The following LOXHD1 variants were observed in gnomAD, a reference collection of about 807,000 sequenced individuals.
LOXHD1 encodes the protein lipoxygenase homology domain-containing protein 1.
A neutral mutation model predicts 248.2 loss-of-function variants in LOXHD1; 205 were observed. That is an observed-to-expected ratio of 0.83 (90% CI 0.74 to 0.93). The LOEUF (loss-of-function observed/expected upper bound fraction) is 0.93, where lower values mean the gene tolerates loss of function less well. Ranked by LOEUF, LOXHD1 falls within the 40% of genes least tolerant of loss-of-function variation. The probability of loss-of-function intolerance (pLI) is 0.00; values close to 1 mark genes in which losing one functional copy is unlikely to be tolerated. For synonymous variants in LOXHD1, 1,113 were observed against 1,162.8 expected, an observed-to-expected ratio of 0.96 and a Z score of 0.87; for missense variants, 2,930 against 2,971.6, an observed-to-expected ratio of 0.99 and a Z score of 0.33.
intron 31 of LOXHD1, 36 bp from the exon 32 acceptor site, chr18:46,522,345 C>G: frequency 6.6e-7 from 1 of 1,519,100 alleles, no homozygotes; most frequent in East Asian, 2.5e-5. Flanking sequence ...TCATAACAGA[C>G]CAGATAGACA....
chr18:46,520,278 T>A (rs2035508611), intron 33 of LOXHD1: 1 of 470,972 alleles, frequency 2.1e-6, no homozygotes. Context: ...CACACTCAGG[T>A]CCAGGTGATT....
At chr18:46,494,808 T>G (rs2033721977) in intron 37 of LOXHD1, among the ~76,000 whole-genome samples, 1 of 151,892 alleles carries the variant, frequency 6.6e-6, no homozygotes, top group Admixed American at 6.6e-5. Context: ...CAACCTAATA[T>G]TTCTATGATT....
At chr18:46,509,048 C>T (rs1398394664) in intron 35 of LOXHD1, among the ~76,000 whole-genome samples, 1 of 152,110 alleles carries the variant, frequency 6.6e-6, no homozygotes, top group Non-Finnish European at 1.5e-5. Context: ...GAGTCTGTGG[C>T]CATGTGCATG....
intron 1 of LOXHD1, among the ~76,000 whole-genome samples, chr18:46,651,898 G>C (rs985431383): frequency 6.6e-6 from 1 of 152,174 alleles, no homozygotes; most frequent in Non-Finnish European, 1.5e-5. Flanking sequence ...CTTTACCCAA[G>C]AGAAATGAAA....
At chr18:46,510,344 G>GA (rs2034882590) in intron 34 of LOXHD1, among the ~76,000 whole-genome samples, 1 of 152,212 alleles carries the variant, frequency 6.6e-6, no homozygotes, top group Non-Finnish European at 1.5e-5. Context: ...CTGCAAAACT[G>GA]AACACAGTGC....
At chr18:46,596,477 A>G (rs1465649706) in intron 8 of LOXHD1, among the ~76,000 whole-genome samples, 1 of 152,230 alleles carries the variant, frequency 6.6e-6, no homozygotes, top group Non-Finnish European at 1.5e-5. Context: ...TTGAGGATGC[A>G]GGAAACTAGG....
chr18:46,482,434 CAGAA>C (rs1259906167), intron 40 of LOXHD1, among the ~76,000 whole-genome samples: 1 of 152,210 alleles, frequency 6.6e-6, no homozygotes, highest in Non-Finnish European at 1.5e-5. Flanking sequence ...ATGTGCAGGA[CAGAA>C]AGAGAGTGCT....
chr18:46,654,129 A>G (rs1157235764), intron 1 of LOXHD1, among the ~76,000 whole-genome samples: 1 of 152,192 alleles, frequency 6.6e-6, no homozygotes, highest in Non-Finnish European at 1.5e-5. Context: ...CCTTCTGCCT[A>G]TTGCCATGTG....
intron 40 of LOXHD1, among the ~76,000 whole-genome samples, chr18:46,479,866 G>A (rs2032414944): frequency 6.6e-6 from 1 of 151,794 alleles, no homozygotes; most frequent in Non-Finnish European, 1.5e-5. Context: ...CAACAACCCT[G>A]GGCATCATCC....
rs982993829 is a variant in LOXHD1 at position 46,569,386 on chromosome 18, A to C, written c.2244+56T>G. ...CATATGTGTGTGTGGACACGTGTGA[A>C]TGTGTGTTCGGAAATGGGTGGGATG... On this transcript the variant is annotated intron_variant, in intron 16 of 40. Coordinates refer to ENST00000642948, the MANE Select transcript of LOXHD1 (RefSeq NM_001384474.1). The C allele has an allele frequency of 1.3e-5, 19 of 1,427,154 alleles. No individual in the cohort carries two copies. In the African/African-American group the frequency reaches 2.4e-4, roughly 18 times the overall value. The allele number at this position is 1,427,154 out of a possible 1,614,324, so 88.4% of individuals were successfully genotyped here. A position where few individuals can be genotyped will look rare whatever the true frequency, so the allele number is the denominator to read the frequency against.
chr18:46,480,412 T>C (rs1427596270), intron 40 of LOXHD1, among the ~76,000 whole-genome samples: 1 of 152,184 alleles, frequency 6.6e-6, no homozygotes, highest in Non-Finnish European at 1.5e-5. Context: ...ATAAGACATG[T>C]TTTCCTGTGT....
At chr18:46,580,999 T>C (rs2037951493) in intron 12 of LOXHD1, among the ~76,000 whole-genome samples, 1 of 152,184 alleles carries the variant, frequency 6.6e-6, no homozygotes. Context: ...GTAAGAAGTG[T>C]GGCTTCCTTT....
intron 23 of LOXHD1, 136 bp downstream of exon 23, chr18:46,545,181 C>A: frequency 1.5e-6 from 1 of 657,302 alleles, no homozygotes; most frequent in Non-Finnish European, 2.6e-6. Context: ...AACTGCCTTT[C>A]TCGATGGGGC....
chr18:46,562,335 C>T (rs2037546873), intron 18 of LOXHD1, among the ~76,000 whole-genome samples: 1 of 152,202 alleles, frequency 6.6e-6, no homozygotes, highest in African/African-American at 2.4e-5. Flanking sequence ...CACAAGGCAC[C>T]CAGCATGAAC....
Position 46,490,697 on chromosome 18 carries a change from A to T in LOXHD1, c.5879-1555T>A, listed in dbSNP as rs187366667. ...TCCATGTTGGTCAGGCTGGTCTCGA[A>T]CTCCCGAACTCAGGTGATCCACCCG... On this transcript the variant is annotated intron_variant, in intron 37 of 40. Coordinates refer to ENST00000642948, the MANE Select transcript of LOXHD1 (RefSeq NM_001384474.1). Among the ~76,000 whole-genome samples, 384 of 152,104 alleles carry T rather than the reference A, an allele frequency of 2.5e-3. 3 individuals are homozygous for T. The highest frequency in any genetic ancestry group is 2.3e-3 in the Non-Finnish European group (158 of 67,984).
At chr18:46,612,323 G>C (rs1398116588) in intron 5 of LOXHD1, among the ~76,000 whole-genome samples, 1 of 152,096 alleles carries the variant, frequency 6.6e-6, no homozygotes, top group African/African-American at 2.4e-5. Flanking sequence ...CTCCAAAAAT[G>C]GTTGTATTAC....
chr18:46,518,086 T>G, intron 34 of LOXHD1, 43 bp downstream of exon 34: 2 of 1,548,678 alleles, frequency 1.3e-6, no homozygotes, highest in Non-Finnish European at 1.7e-6. Flanking sequence ...AGGGGGAGAG[T>G]TGAATGTGGG....
chr18:46,545,519 T>C, intron 22 of LOXHD1, 98 bp from the exon 23 acceptor site: 1 of 842,854 alleles, frequency 1.2e-6, no homozygotes, highest in Non-Finnish European at 2.0e-6. Flanking sequence ...CTTCCTTGAT[T>C]CACTCCCTCT....
chr18:46,656,853 C>T (rs1203406400), intron 1 of LOXHD1, 51 bp downstream of exon 1: 51 of 1,539,778 alleles, frequency 3.3e-5, no homozygotes, highest in Non-Finnish European at 4.4e-5. Context: ...CAGACCCCTG[C>T]CCACCGCAGC....
Sources: gnomAD v4.1 joint callset for allele counts (sites outside exome capture counted in the v4.1 genomes callset) on GRCh38, gnomAD v4.1.1 for gene constraint, MANE v1.5 for transcripts, NCBI Gene and HGNC (gene_info 2026-07-23, HGNC 2026-07-21) for gene names.